Variants in GRK3 observed in about 807,000 individuals in gnomAD.
GRK3 encodes the protein G protein-coupled receptor kinase 3.
Under a neutral mutation model 95.7 loss-of-function variants are expected in GRK3, and 54 were observed. The observed-to-expected ratio is 0.56, with a 90% CI of 0.45 to 0.71. GRK3 has a LOEUF of 0.71. Among genes scored for constraint, GRK3 ranks in the 30% least tolerant of loss-of-function variants. The pLI, the probability that GRK3 is intolerant of heterozygous loss-of-function variation, is 0.00. For synonymous variants in GRK3, 281 were observed against 290.8 expected (o/e 0.97, Z 0.34); for missense variants, 649 against 851.2 (o/e 0.76, Z 2.96).
At chr22:25,720,781 C>A (rs988215172) in intron 19 of GRK3, among the ~76,000 whole-genome samples, 3 of 152,094 alleles carry the variant, frequency 2.0e-5, no homozygotes, top group African/African-American at 7.2e-5. Context: ...AGCCTATAGA[C>A]CTTTTAATCT....
intron 9 of GRK3, among the ~76,000 whole-genome samples, chr22:25,682,728 A>G (rs185186964): frequency 1.3e-5 from 2 of 152,334 alleles, no homozygotes; most frequent in African/African-American, 2.4e-5. Flanking sequence ...TAGATCTAGC[A>G]TAGCACTGAT....
chr22:25,582,107 T>A (rs1291394991), intron 1 of GRK3, among the ~76,000 whole-genome samples: 1 of 152,086 alleles, frequency 6.6e-6, no homozygotes, highest in Non-Finnish European at 1.5e-5. Context: ...TGAATCCTCG[T>A]CGCTACTAAA....
chr22:25,578,968 C>T (rs1251142548), intron 1 of GRK3, among the ~76,000 whole-genome samples: 7 of 151,956 alleles, frequency 4.6e-5, no homozygotes, highest in Admixed American at 4.6e-4. Flanking sequence ...CACAAGAGAT[C>T]CCCAAACAAG....
intron 2 of GRK3, among the ~76,000 whole-genome samples, chr22:25,626,172 GC>G: frequency 6.6e-6 from 1 of 152,272 alleles, no homozygotes; most frequent in Admixed American, 6.5e-5. Flanking sequence ...CTTGTGATCT[GC>G]CCGCCTCAGC....
chr22:25,717,126 G>C lies in GRK3; in HGVS notation c.1655-1119G>C, dbSNP rs1259050656. 2.6e-5 allele frequency among the ~76,000 whole-genome samples: 4 copies of C among 152,230 alleles called. No individual in the cohort carries two copies. The South Asian group carries it at 6.2e-4, about 24-fold the overall frequency. ...TTTATGTAGCATTTACACTGTATTA[G>C]GTATTATAGGTAAACTAGAGGTGAT... On this transcript the variant is annotated intron_variant, in intron 18 of 20. Transcript: ENST00000324198.
chr22:25,657,116 GC>G (rs1474422222), intron 3 of GRK3, among the ~76,000 whole-genome samples: 10 of 152,252 alleles, frequency 6.6e-5, no homozygotes, highest in Admixed American at 5.9e-4. Flanking sequence ...AGTGTTTGGG[GC>G]CAGAGTAACA....
intron 15 of GRK3, 81 bp downstream of exon 15, chr22:25,704,290 C>A: frequency 3.0e-6 from 3 of 984,040 alleles, no homozygotes; most frequent in Non-Finnish European, 3.0e-6. Context: ...CAAAAGTCAT[C>A]CCTAGTCATT....
intron 1 of GRK3, chr22:25,580,490 A>G (rs552610290): frequency 6.6e-6 from 1 of 152,370 alleles, no homozygotes; most frequent in African/African-American, 2.4e-5. Context: ...TTAGAAATGC[A>G]AACTGAAATA....
chr22:25,565,598 C>A (rs1931448151), intron 1 of GRK3, among the ~76,000 whole-genome samples: 1 of 152,176 alleles, frequency 6.6e-6, no homozygotes, highest in Non-Finnish European at 1.5e-5. Flanking sequence ...TCATTGGTCC[C>A]CCTTTCCAAC....
chr22:25,568,615 A>G (rs1931576265), intron 1 of GRK3, among the ~76,000 whole-genome samples: 1 of 152,216 alleles, frequency 6.6e-6, no homozygotes, highest in Non-Finnish European at 1.5e-5. Context: ...AGCCATTTCT[A>G]TGAGCCAGGC....
In GRK3 at chr22:25,600,522, C is replaced by A. The variant is rs114583157; in HGVS notation, c.114-3855C>A. On this transcript the variant is annotated intron_variant, in intron 1 of 20. Transcript: ENST00000324198. ...AAAGAAACAATGAGAAATAACAATA[C>A]AACAGTAAAAATACAAATAAAAACC... Among the ~76,000 whole-genome samples the A allele has an allele frequency of 7.2e-3, 1,102 of 152,232 alleles. 17 individuals are homozygous for A. The highest frequency in any genetic ancestry group is 0.024 in the African/African-American group (990 of 41,532).
chr22:25,701,178 G>C (rs1459117551), intron 13 of GRK3, among the ~76,000 whole-genome samples: 1 of 152,196 alleles, frequency 6.6e-6, no homozygotes, highest in African/African-American at 2.4e-5. Flanking sequence ...GCCGTGCCTT[G>C]TAAGCTGTTG....
intron 2 of GRK3, among the ~76,000 whole-genome samples, chr22:25,615,906 G>C (rs966926602): frequency 7.4e-5 from 11 of 147,698 alleles, no homozygotes; most frequent in Admixed American, 2.6e-4. Context: ...GGATTTATCT[G>C]GGGGAAGAGT....
At chr22:25,681,987 A>G (rs1344870179) in intron 9 of GRK3, among the ~76,000 whole-genome samples, 1 of 152,106 alleles carries the variant, frequency 6.6e-6, no homozygotes, top group Admixed American at 6.5e-5. Flanking sequence ...CATGAAACCC[A>G]TTATAGTGTC....
At position 25,620,224 on chromosome 22, in the gene GRK3, T is replaced by C. The variant is rs546754937; in HGVS notation, c.190+15771T>C. 1.2e-4 allele frequency among the ~76,000 whole-genome samples: 18 copies of C among 152,158 alleles called. No individual in the cohort carries two copies. In the South Asian group the frequency reaches 3.5e-3, roughly 30 times the overall value. ...GAGAGGCTGGAGAAGGCAGTGTCTG[T>C]TTTGCACAGGGCTCGGGATTGGTTT... On this transcript the variant is annotated intron_variant, in intron 2 of 20. Transcript: ENST00000324198.
Position 25,564,929 on chromosome 22 carries a change from G to C in GRK3, c.-112G>C, listed in dbSNP as rs1021383516. The C allele has an allele frequency of 2.6e-4, 42 of 159,380 alleles. No individual in the cohort carries two copies. Among genetic ancestry groups the C allele is most frequent in the Non-Finnish European group, 4.4e-4 (34 of 77,556 alleles). The allele number at this position is 159,380 out of a possible 1,614,324, so 9.9% of individuals were successfully genotyped here. A position where few individuals can be genotyped will look rare whatever the true frequency, so the allele number is the denominator to read the frequency against. On this transcript the variant is annotated 5_prime_UTR_variant, in exon 1 of 21. Transcript: ENST00000324198. ...GCGGGGCGGGGGCGCGCGGAGGGGG[G>C]GGCTGCCCCGGGGCGGCCCCCCCAG...
At chr22:25,648,640 T>C (rs2084805043) in intron 3 of GRK3, 2 of 1,030,588 alleles carry the variant, frequency 1.9e-6, no homozygotes, top group Non-Finnish European at 1.5e-6. Flanking sequence ...CCAATTTACA[T>C]TGTCACTGAA....
At position 25,726,361 on chromosome 22, in the gene GRK3, A is replaced by G. The variant is rs2085474047; in HGVS notation, c.*3911A>G. ...GGCCTCTTTAGCATGATGTAAACCT[A>G]TAGAAATGCTTTGAAATGTGCTGGT... is the stretch of plus-strand genomic sequence containing the variant. On this transcript the variant is annotated 3_prime_UTR_variant, in exon 21 of 21. Transcript: ENST00000324198. 3 of 152,234 alleles carry G rather than the reference A, an allele frequency of 2.0e-5. 1 individual carries two copies. In the South Asian group the frequency reaches 6.2e-4, roughly 31 times the overall value. 9.4% of individuals were successfully genotyped at this position (152,234 alleles called of 1,614,324 possible).
In GRK3 at chr22:25,690,215, T is replaced by C. The variant is rs2085154232; in HGVS notation, c.984T>C (p.His328=). The change falls in exon 12 of 21, where the codon CAT becomes CAC. Residue 328 remains histidine (H), a synonymous_variant. Coordinates refer to ENST00000324198, the MANE Select transcript of GRK3 (RefSeq NM_005160.4). ...CAGCAAATATTCTCTTGGATGAACA[T>C]GGACACGCAAGAATATCAGATCTTG... is the stretch of plus-strand genomic sequence containing the variant. ...LKPANILLDE[H]GHARISDLGL... 1 of 1,613,996 alleles carries C rather than the reference T, an allele frequency of 6.2e-7. No homozygotes were observed. Among genetic ancestry groups the C allele is most frequent in the Admixed American group, 1.7e-5 (1 of 60,006 alleles).
Sources: gnomAD v4.1 joint callset for allele counts (sites outside exome capture counted in the v4.1 genomes callset) on GRCh38, gnomAD v4.1.1 for gene constraint, MANE v1.5 for transcripts, NCBI Gene and HGNC (gene_info 2026-07-23, HGNC 2026-07-21) for gene names.